Variants in NELL1 observed in about 807,000 individuals in gnomAD.
The protein encoded by NELL1 is neural EGFL like 1.
Under a neutral mutation model 107.4 loss-of-function variants are expected in NELL1, and 76 were observed. The ratio of observed to expected loss-of-function variants is 0.71; its 90% confidence interval spans 0.59 to 0.86. The LOEUF (loss-of-function observed/expected upper bound fraction) is 0.86. NELL1 is among the 40% of genes least tolerant of loss of function. The pLI is 0.00. For missense variants in NELL1, 1,024 were observed against 1,005.5 expected, an observed-to-expected ratio of 1.02 and a Z score of -0.25; for synonymous variants, 353 against 341.2, an observed-to-expected ratio of 1.03 and a Z score of -0.38.
chr11:21,361,482 A>T (rs1851075895), intron 14 of NELL1, among the ~76,000 whole-genome samples: 1 of 151,992 alleles, frequency 6.6e-6, no homozygotes, highest in Non-Finnish European at 1.5e-5. Context: ...TCTTTTTGTG[A>T]TGAATTTTCC....
At chr11:20,698,849 A>G (rs1355093961) in intron 2 of NELL1, among the ~76,000 whole-genome samples, 4 of 152,102 alleles carry the variant, frequency 2.6e-5, no homozygotes, top group Non-Finnish European at 5.9e-5. Context: ...TTTCCTTTGC[A>G]TTCTCATAGC....
At chr11:21,536,885 C>T (rs572996219) in intron 16 of NELL1, among the ~76,000 whole-genome samples, 3 of 152,254 alleles carry the variant, frequency 2.0e-5, no homozygotes, top group Admixed American at 2.0e-4. Flanking sequence ...TGGCACCTGT[C>T]CTGGTGCTCA....
At chr11:20,712,306 AT>A (rs34048107) in intron 2 of NELL1, among the ~76,000 whole-genome samples, 23 of 151,670 alleles carry the variant, frequency 1.5e-4, no homozygotes, top group African/African-American at 4.4e-4. Context: ...AGAAATTATA[AT>A]TTTTTTTATG....
intron 13 of NELL1, among the ~76,000 whole-genome samples, chr11:21,199,357 G>C (rs972541941): frequency 5.9e-5 from 9 of 152,094 alleles, no homozygotes; most frequent in Non-Finnish European, 1.0e-4. Context: ...ACATGTGGCT[G>C]GGAAAACCTA....
intron 14 of NELL1, among the ~76,000 whole-genome samples, chr11:21,303,920 C>T (rs1021175989): frequency 6.6e-6 from 1 of 151,914 alleles, no homozygotes; most frequent in Admixed American, 6.6e-5. Context: ...ATCACTGCGT[C>T]CTCACATGGT....
At chr11:21,012,696 G>A (rs1460306948) in intron 12 of NELL1, among the ~76,000 whole-genome samples, 1 of 152,132 alleles carries the variant, frequency 6.6e-6, no homozygotes, top group Admixed American at 6.5e-5. Context: ...GTTGGGAATG[G>A]CAAATGCTAA....
chr11:20,977,901 A>G (rs1211524528), intron 12 of NELL1, among the ~76,000 whole-genome samples: 1 of 152,232 alleles, frequency 6.6e-6, no homozygotes, highest in Non-Finnish European at 1.5e-5. Flanking sequence ...CCAGTAAAAT[A>G]TTGTTATTCT....
chr11:20,754,378 G>A (rs1856211770), intron 2 of NELL1, among the ~76,000 whole-genome samples: 1 of 152,140 alleles, frequency 6.6e-6, no homozygotes. Flanking sequence ...ATGAATTGAT[G>A]TTGACCTGAA....
chr11:21,546,887 A>G (rs7931216), intron 16 of NELL1, among the ~76,000 whole-genome samples: 84,529 of 151,796 alleles, frequency 0.56, 23,846 homozygotes, highest in Non-Finnish European at 0.6. Context: ...ATATTAAACT[A>G]TAGTATTCAG....
At chr11:21,122,942 T>A (rs552662507) in intron 13 of NELL1, among the ~76,000 whole-genome samples, 5 of 152,306 alleles carry the variant, frequency 3.3e-5, no homozygotes, top group Non-Finnish European at 7.4e-5. Context: ...GTGGAACAGA[T>A]TCTTTCTAAC....
At chr11:21,330,865 T>C (rs1199113398) in intron 14 of NELL1, among the ~76,000 whole-genome samples, 1 of 152,112 alleles carries the variant, frequency 6.6e-6, no homozygotes, top group Admixed American at 6.6e-5. Context: ...ATTGGTACAA[T>C]TAATGGTGGT....
At chr11:21,090,057 G>A (rs956796402) in intron 12 of NELL1, among the ~76,000 whole-genome samples, 1 of 152,136 alleles carries the variant, frequency 6.6e-6, no homozygotes, top group Non-Finnish European at 1.5e-5. Context: ...GTATTTGTGA[G>A]CTATCTTCAT....
chr11:21,126,966 T>C (rs1386999261), intron 13 of NELL1, among the ~76,000 whole-genome samples: 1 of 152,242 alleles, frequency 6.6e-6, no homozygotes, highest in Non-Finnish European at 1.5e-5. Context: ...CTTTGGAATG[T>C]GCTCTGTTAG....
intron 12 of NELL1, among the ~76,000 whole-genome samples, chr11:20,975,913 A>G (rs1851612003): frequency 7.5e-6 from 1 of 133,912 alleles, no homozygotes; most frequent in Non-Finnish European, 1.6e-5. Context: ...TGTGTATTAT[A>G]TAAACACACA....
chr11:20,729,520 A>T (rs1855582733), intron 2 of NELL1, among the ~76,000 whole-genome samples: 1 of 152,262 alleles, frequency 6.6e-6, no homozygotes, highest in South Asian at 2.1e-4. Context: ...TCATAAAGGG[A>T]TGTTGGATTT....
At chr11:21,358,933 T>C (rs547369557) in intron 14 of NELL1, among the ~76,000 whole-genome samples, 2 of 152,250 alleles carry the variant, frequency 1.3e-5, no homozygotes, top group South Asian at 2.1e-4. Flanking sequence ...CAGCAACAAT[T>C]TGACTTCCTC....
At chr11:21,087,397 A>T (rs530597905) in intron 12 of NELL1, among the ~76,000 whole-genome samples, 12 of 151,966 alleles carry the variant, frequency 7.9e-5, no homozygotes, top group Admixed American at 5.9e-4. Flanking sequence ...GAAAAAAAAA[A>T]ATATTTTGCT....
At chr11:20,932,496 C>G (rs1850638571) in intron 9 of NELL1, among the ~76,000 whole-genome samples, 1 of 152,164 alleles carries the variant, frequency 6.6e-6, no homozygotes, top group Non-Finnish European at 1.5e-5. Flanking sequence ...TGAAGCCATT[C>G]AGTAATCCCT....
intron 15 of NELL1, among the ~76,000 whole-genome samples, chr11:21,513,299 C>T (rs573079434): frequency 1.3e-5 from 2 of 152,228 alleles, no homozygotes; most frequent in South Asian, 4.1e-4. Context: ...AACTGTTCTT[C>T]TCTTATAAGT....
Sources: gnomAD v4.1 joint callset for allele counts (sites outside exome capture counted in the v4.1 genomes callset) on GRCh38, gnomAD v4.1.1 for gene constraint, MANE v1.5 for transcripts, NCBI Gene and HGNC (gene_info 2026-07-23, HGNC 2026-07-21) for gene names.